Variants in GDAP1 observed in about 807,000 individuals in gnomAD.
GDAP1 encodes the protein ganglioside-induced differentiation-associated protein 1.
A neutral mutation model predicts 40.1 loss-of-function variants in GDAP1; 34 were observed. That is an observed-to-expected ratio of 0.85 (90% confidence interval 0.64 to 1.13). The LOEUF (loss-of-function observed/expected upper bound fraction) is 1.13. Among genes scored for constraint, GDAP1 ranks in the 50% most tolerant of loss-of-function variants. The pLI, the probability that GDAP1 is intolerant of heterozygous loss-of-function variation, is 0.00. For synonymous variants in GDAP1, 170 were observed against 157.4 expected, an observed-to-expected ratio of 1.08 and a Z score of -0.60; for missense variants, 374 against 433.7, an observed-to-expected ratio of 0.86 and a Z score of 1.22.
chr8:74,483,232 T>G (rs1345280687), intron 2 of GDAP1, among the ~76,000 whole-genome samples: 1 of 152,076 alleles, frequency 6.6e-6, no homozygotes, highest in Non-Finnish European at 1.5e-5. Flanking sequence ...AGTTATAACA[T>G]TCCATCAAAT....
Position 74,408,564 on chromosome 8 carries a change from C to T in GDAP1, c.165+57243C>T, listed in dbSNP as rs968964708. Among the ~76,000 whole-genome samples the T allele has an allele frequency of 2.7e-5, 4 of 150,044 alleles. 1 individual carries two copies. Among genetic ancestry groups the T allele is most frequent in the African/African-American group, 1.0e-4 (4 of 39,386 alleles). ...GGCACCATCCATGAGCCAGGAAACACATCCTCACCAGATACTGGATTTGTC... is the reference window on the plus strand; with the variant it reads ...GGCACCATCCATGAGCCAGGAAACATATCCTCACCAGATACTGGATTTGTC... On this transcript the variant is annotated intron_variant, in intron 2 of 2. Coordinates refer to the GDAP1 transcript ENST00000523640.
At chr8:74,468,752 A>C (rs1305639117) in intron 2 of GDAP1, among the ~76,000 whole-genome samples, 1 of 152,156 alleles carries the variant, frequency 6.6e-6, no homozygotes, top group Non-Finnish European at 1.5e-5. Context: ...GCAAAGAGTG[A>C]AAATTTACTG....
At chr8:74,420,745 T>A (rs1462649743) in intron 2 of GDAP1, among the ~76,000 whole-genome samples, 1 of 152,106 alleles carries the variant, frequency 6.6e-6, no homozygotes, top group Admixed American at 6.5e-5. Context: ...ATGTGGGTAG[T>A]AGATAGTAGA....
At position 74,400,306 on chromosome 8, in the gene GDAP1, G is replaced by T. The variant is rs1172615910; in HGVS notation, c.165+48985G>T. Among the ~76,000 whole-genome samples the T allele has an allele frequency of 2.0e-5, 3 of 149,864 alleles. 1 individual carries two copies. The highest frequency in any genetic ancestry group is 7.6e-5 in the African/African-American group (3 of 39,222). On this transcript the variant is annotated intron_variant, in intron 2 of 2. Coordinates refer to the GDAP1 transcript ENST00000523640. ...ATTGATCCCTTTACCGTTATGTAAT[G>T]GCCTTCTTTGTCTCTTTCGATCTTT...
chr8:74,360,047 A>G (rs1554547673), intron 2 of GDAP1, 90 bp from the exon 3 acceptor site: 4 of 873,920 alleles, frequency 4.6e-6, no homozygotes, highest in Non-Finnish European at 7.7e-6. Context: ...TGAAAATGTT[A>G]ATGATGAGTG....
intron 2 of GDAP1, among the ~76,000 whole-genome samples, chr8:74,417,877 T>C (rs1033920221): frequency 2.0e-5 from 3 of 151,780 alleles, no homozygotes; most frequent in Non-Finnish European, 4.4e-5. Context: ...AACACATGAA[T>C]ATCTATCCTA....
chr8:74,361,832 G>A, intron 3 of GDAP1, 52 bp from the exon 4 acceptor site: 2 of 965,612 alleles, frequency 2.1e-6, no homozygotes, highest in Middle Eastern at 2.1e-4. Flanking sequence ...CCTTGTTACT[G>A]GTGTAGAAGG....
chr8:74,464,553 A>C (rs1016600905), intron 2 of GDAP1, among the ~76,000 whole-genome samples: 1 of 152,224 alleles, frequency 6.6e-6, no homozygotes, highest in Non-Finnish European at 1.5e-5. Context: ...TGGAAACTGA[A>C]AAACATATGG....
In GDAP1 at chr8:74,476,524, T is replaced by C. The variant is rs552916184; in HGVS notation, c.166-12154T>C. ...TTTGCTCATCTGAAAAAGATTTTAG[T>C]TCTCCTTTGCTTATGAAGCTTAGTC... On this transcript the variant is annotated intron_variant, in intron 2 of 2. Transcript: ENST00000523640. Among the ~76,000 whole-genome samples, 4 of 152,328 alleles carry C rather than the reference T, an allele frequency of 2.6e-5. No homozygotes were observed. In the South Asian group the frequency reaches 6.2e-4, roughly 24 times the overall value.
At chr8:74,378,562 G>T (rs1293892016) in intron 2 of GDAP1, among the ~76,000 whole-genome samples, 1 of 152,188 alleles carries the variant, frequency 6.6e-6, no homozygotes, top group Non-Finnish European at 1.5e-5. Flanking sequence ...ATTGACCAGG[G>T]TTGACAGTAG....
At chr8:74,429,979 A>G (rs942497017) in intron 2 of GDAP1, among the ~76,000 whole-genome samples, 8 of 152,210 alleles carry the variant, frequency 5.3e-5, no homozygotes, top group Non-Finnish European at 7.4e-5. Flanking sequence ...TCTAATATAC[A>G]GTGTCCCAAA....
rs71271804 is a variant in GDAP1, at chr8:74,468,478, TACACACACACACACACAC to T, written c.166-20170_166-20153del. 2.8e-3 allele frequency among the ~76,000 whole-genome samples: 390 copies of T among 139,206 alleles called. 1 individual carries two copies. Among genetic ancestry groups the T allele is most frequent in the African/African-American group, 3.6e-3 (134 of 36,922 alleles). 91.3% of individuals were successfully genotyped at this position (139,206 alleles called of 152,430 possible). On this transcript the variant is annotated intron_variant, in intron 2 of 2. Coordinates refer to the GDAP1 transcript ENST00000523640. ...TTACATATATATGTAAATGACCCCATACACACACACACACACACACACACACACACACACACACACACA... is the reference window on the plus strand; with the variant it reads ...TTACATATATATGTAAATGACCCCATACACACACACACACACACACACACA...
intron 2 of GDAP1, among the ~76,000 whole-genome samples, chr8:74,386,403 A>G (rs1586817682): frequency 6.6e-6 from 1 of 152,314 alleles, no homozygotes; most frequent in East Asian, 1.9e-4. Flanking sequence ...AGCTTTCTGC[A>G]TATGGCTAGC....
chr8:74,382,069 A>G (rs1025059377), intron 2 of GDAP1, among the ~76,000 whole-genome samples: 3 of 152,000 alleles, frequency 2.0e-5, no homozygotes, highest in Non-Finnish European at 2.9e-5. Flanking sequence ...TTCAAAGATG[A>G]CTAATGAGGG....
intron 2 of GDAP1, among the ~76,000 whole-genome samples, chr8:74,430,749 G>T (rs1338090038): frequency 6.6e-6 from 1 of 151,704 alleles, no homozygotes; most frequent in African/African-American, 2.4e-5. Context: ...AATCTTGTGT[G>T]TTCAGTTAGG....
chr8:74,471,031 T>C (rs1806546599), intron 2 of GDAP1, among the ~76,000 whole-genome samples: 1 of 152,260 alleles, frequency 6.6e-6, no homozygotes, highest in South Asian at 2.1e-4. Context: ...ATGTGTCTTT[T>C]GGCTGCATAA....
intron 2 of GDAP1, among the ~76,000 whole-genome samples, chr8:74,437,096 A>G (rs758077450): frequency 4.6e-5 from 7 of 152,236 alleles, no homozygotes; most frequent in Non-Finnish European, 8.8e-5. Flanking sequence ...TGAACAGTGT[A>G]AGAAGTCATG....
intron 2 of GDAP1, among the ~76,000 whole-genome samples, chr8:74,412,258 T>C (rs1805724647): frequency 6.7e-6 from 1 of 150,116 alleles, no homozygotes; most frequent in African/African-American, 2.5e-5. Context: ...GAATTTTGTG[T>C]ATGTAACACA....
intron 2 of GDAP1, among the ~76,000 whole-genome samples, chr8:74,383,539 A>G (rs1009420816): frequency 6.6e-6 from 1 of 152,178 alleles, no homozygotes; most frequent in East Asian, 1.9e-4. Flanking sequence ...AAATATTTCC[A>G]TCCTTAATTT....
Sources: allele counts gnomAD v4.1 joint callset (sites outside exome capture counted in the v4.1 genomes callset), GRCh38; gene constraint gnomAD v4.1.1; transcripts MANE v1.5; gene names NCBI Gene and HGNC (gene_info 2026-07-23, HGNC 2026-07-21).